Variants in ARMC2 observed in about 807,000 individuals in gnomAD.
The protein encoded by ARMC2 is armadillo repeat-containing protein 2.
Under a neutral mutation model 90.3 loss-of-function variants are expected in ARMC2, and 67 were observed. That is an observed-to-expected ratio of 0.74 (90% confidence interval 0.61 to 0.91). The LOEUF is 0.91. Among genes scored for constraint, ARMC2 ranks in the 40% least tolerant of loss-of-function variants. The probability of loss-of-function intolerance (pLI) is 0.00; values close to 1 mark genes in which losing one functional copy is unlikely to be tolerated. For missense variants in ARMC2, 920 were observed against 1,030.9 expected (o/e 0.89, Z 1.47); for synonymous variants, 393 against 393.0 (o/e 1.00, Z 0.00).
chr6:108,995,213 G>A, the ARMC2 span, among the ~76,000 whole-genome samples: 10 of 152,092 alleles, frequency 6.6e-5, no homozygotes, highest in African/African-American at 2.4e-4. Flanking sequence ...TAAACTACTT[G>A]TCAATTTAAA....
the ARMC2 span, among the ~76,000 whole-genome samples, chr6:108,985,289 C>G: frequency 7.0e-6 from 1 of 143,478 alleles, no homozygotes; most frequent in Admixed American, 6.9e-5. Flanking sequence ...GCCAAAACAA[C>G]TCAAGATTTT....
At chr6:108,951,757 G>A (rs184677841) in intron 12 of ARMC2, among the ~76,000 whole-genome samples, 21 of 152,342 alleles carry the variant, frequency 1.4e-4, no homozygotes, top group African/African-American at 3.8e-4. Flanking sequence ...CGATGAAAAC[G>A]TGCCCAGCCC....
At chr6:108,891,799 T>G (rs1771060306) in intron 5 of ARMC2, among the ~76,000 whole-genome samples, 1 of 152,232 alleles carries the variant, frequency 6.6e-6, no homozygotes, top group African/African-American at 2.4e-5. Context: ...GCTTTTGTTG[T>G]TTTAGTCATG....
chr6:109,011,391 A>T, the ARMC2 span, among the ~76,000 whole-genome samples: 1 of 152,156 alleles, frequency 6.6e-6, no homozygotes, highest in African/African-American at 2.4e-5. Context: ...AAGAAAAATA[A>T]TTTTAATTTA....
At chr6:108,989,998 A>C in the ARMC2 span, among the ~76,000 whole-genome samples, 1 of 152,218 alleles carries the variant, frequency 6.6e-6, no homozygotes, top group African/African-American at 2.4e-5. Flanking sequence ...AGATCCGTTT[A>C]GAGTAGATTA....
At chr6:108,884,357 C>T (rs983057823) in intron 5 of ARMC2, among the ~76,000 whole-genome samples, 9 of 152,186 alleles carry the variant, frequency 5.9e-5, no homozygotes, top group Non-Finnish European at 1.0e-4. Flanking sequence ...ATAAGATCTC[C>T]AAGTGCTTTG....
the ARMC2 span, among the ~76,000 whole-genome samples, chr6:108,983,684 C>T: frequency 6.6e-6 from 1 of 152,192 alleles, no homozygotes; most frequent in South Asian, 2.1e-4. Flanking sequence ...TGTGAGACCT[C>T]CAACTTTGTT....
chr6:108,892,780 TGGG>T (rs1001724939), intron 5 of ARMC2, among the ~76,000 whole-genome samples: 4 of 121,294 alleles, frequency 3.3e-5, no homozygotes, highest in African/African-American at 1.3e-4. Flanking sequence ...AAAAAAAAGG[TGGG>T]GGGAACATGT....
At chr6:108,906,840 G>A (rs1210749869) in intron 8 of ARMC2, among the ~76,000 whole-genome samples, 2 of 152,100 alleles carry the variant, frequency 1.3e-5, no homozygotes, top group Non-Finnish European at 2.9e-5. Context: ...CTTCCTCTGG[G>A]GTTGCCACAG....
intron 10 of ARMC2, among the ~76,000 whole-genome samples, chr6:108,917,258 G>A (rs1264067568): frequency 3.3e-5 from 5 of 151,808 alleles, no homozygotes; most frequent in South Asian, 4.2e-4. Context: ...CCCTACCCCC[G>A]CTTCTCTGGC....
the ARMC2 span, among the ~76,000 whole-genome samples, chr6:109,018,311 T>C: frequency 6.6e-6 from 1 of 152,346 alleles, no homozygotes; most frequent in South Asian, 2.1e-4. Context: ...AAATAATGTC[T>C]CTCCCACCAT....
the ARMC2 span, among the ~76,000 whole-genome samples, chr6:108,998,045 G>C: frequency 7.9e-5 from 12 of 152,156 alleles, no homozygotes; most frequent in African/African-American, 2.7e-4. Flanking sequence ...GAATTCTGAA[G>C]AGAGAAATTT....
chr6:108,885,035 A>G lies in ARMC2; in HGVS notation c.671+8685A>G, dbSNP rs150637160. On this transcript the variant is annotated intron_variant, in intron 5 of 17. Transcript: ENST00000392644. ...CTGACAAGTTACAAGGGCTTTTCACATGCAGTACCTTGAAACTGTGGGGCT... is the reference window on the plus strand; with the variant it reads ...CTGACAAGTTACAAGGGCTTTTCACGTGCAGTACCTTGAAACTGTGGGGCT... Among the ~76,000 whole-genome samples, 638 of 152,312 alleles carry G rather than the reference A, an allele frequency of 4.2e-3. 3 individuals are homozygous for G. Among genetic ancestry groups the G allele is most frequent in the African/African-American group, 0.014 (598 of 41,560 alleles).
At chr6:108,961,872 C>G (rs563338459) in intron 14 of ARMC2, 142 bp from the exon 15 acceptor site, 4 of 1,001,770 alleles carry the variant, frequency 4.0e-6, no homozygotes, top group African/African-American at 1.6e-5. Flanking sequence ...AAATTAGTTT[C>G]TTAGTTCTTG....
Position 108,962,023 on chromosome 6 carries a change from A to G in ARMC2, c.2048A>G (p.Lys683Arg), listed in dbSNP as rs1454628223. The G allele has an allele frequency of 1.9e-6, 3 of 1,609,142 alleles. No homozygotes were observed. The highest frequency in any genetic ancestry group is 2.5e-6 in the Non-Finnish European group (3 of 1,178,366). ...TGGTCGCCAAATCCAGTGCTCTTAA[A>G]GCTTCTTGTCAGTAACAACATGGAT... ...KKLYIAELLL[K>R]LLVSNNMDGI... The change falls in exon 15 of 18, where the codon AAG becomes AGG. Residue 683 changes from lysine (K) to arginine (R), a missense_variant. Lys to Arg is a conservative substitution (Grantham distance 26). Transcript: ENST00000392644.
chr6:108,959,768 C>T (rs1186842852), intron 13 of ARMC2, among the ~76,000 whole-genome samples: 3 of 152,090 alleles, frequency 2.0e-5, no homozygotes, highest in Non-Finnish European at 4.4e-5. Context: ...TCACTGCAAC[C>T]TCTGCCTCCC....
At chr6:108,932,597 C>T (rs1049203029) in intron 11 of ARMC2, among the ~76,000 whole-genome samples, 32 of 135,422 alleles carry the variant, frequency 2.4e-4, no homozygotes, top group African/African-American at 6.5e-4. Flanking sequence ...GGCGCGGTCT[C>T]GGCTCACTGC....
In ARMC2 at chr6:108,928,154, G is replaced by A. The variant is rs567611272; in HGVS notation, c.1417G>A (p.Ala473Thr). 6.2e-7 allele frequency: 1 copy of A among 1,613,458 alleles called. No individual in the cohort carries two copies. The highest frequency in any genetic ancestry group is 1.1e-5 in the South Asian group (1 of 90,990). The change falls in exon 11 of 18, where the codon GCC becomes ACC. Residue 473 changes from alanine (A) to threonine (T), a missense_variant. Transcript: ENST00000392644. ...AAGAAGTAAGTTCCTAAACATCAGTGCCCTTCCCCAGCTCTGCACGGCAAT... is the reference window on the plus strand; with the variant it reads ...AAGAAGTAAGTTCCTAAACATCAGTACCCTTCCCCAGCTCTGCACGGCAAT... ...LVRSKFLNISALPQLCTAMEQ... is the reference protein window; with the variant it reads ...LVRSKFLNISTLPQLCTAMEQ...
At chr6:108,967,020 C>A (rs1305688723) in intron 17 of ARMC2, among the ~76,000 whole-genome samples, 2 of 152,206 alleles carry the variant, frequency 1.3e-5, no homozygotes, top group Non-Finnish European at 2.9e-5. Context: ...CCAAGTGACC[C>A]CTCAGCCGTG....
Sources: gnomAD v4.1 joint callset for allele counts (sites outside exome capture counted in the v4.1 genomes callset) on GRCh38, gnomAD v4.1.1 for gene constraint, MANE v1.5 for transcripts, NCBI Gene and HGNC (gene_info 2026-07-23, HGNC 2026-07-21) for gene names.